The following FAM228B variants were observed in gnomAD, a reference collection of about 807,000 sequenced individuals.
FAM228B encodes family with sequence similarity 228 member B, also known as protein FAM228B.
In FAM228B, 38 loss-of-function variants were observed where a neutral mutation model predicts 42.6. The observed-to-expected ratio is 0.89, with a 90% CI of 0.69 to 1.17. The LOEUF is 1.17. Among genes scored for constraint, FAM228B ranks in the 50% most tolerant of loss-of-function variants. The pLI, the probability that FAM228B is intolerant of heterozygous loss-of-function variation, is 0.00. For synonymous variants in FAM228B, 109 were observed against 122.3 expected (o/e 0.89, Z 0.72); for missense variants, 344 against 367.3 (o/e 0.94, Z 0.52).
chr2:24,142,954 A>G (rs1666790551), intron 5 of FAM228B, among the ~76,000 whole-genome samples: 1 of 152,226 alleles, frequency 6.6e-6, no homozygotes, highest in African/African-American at 2.4e-5. Context: ...AAATGTTACA[A>G]AATTACGCGT....
At chr2:24,102,701 G>A (rs1031645814) in intron 3 of FAM228B, among the ~76,000 whole-genome samples, 4 of 152,164 alleles carry the variant, frequency 2.6e-5, no homozygotes, top group African/African-American at 9.7e-5. Flanking sequence ...TCATGCCATT[G>A]CACTCCAGCC....
chr2:24,143,063 A>G (rs777241336), intron 5 of FAM228B, among the ~76,000 whole-genome samples: 1 of 152,216 alleles, frequency 6.6e-6, no homozygotes, highest in Non-Finnish European at 1.5e-5. Context: ...ATCATAACTA[A>G]CCTTTAAGAA....
chr2:24,112,905 C>T (rs992250001), intron 3 of FAM228B, among the ~76,000 whole-genome samples: 20 of 152,188 alleles, frequency 1.3e-4, no homozygotes, highest in Non-Finnish European at 2.4e-4. Flanking sequence ...ATTTGGTGCT[C>T]CTTCAGCCTG....
At chr2:24,078,016 C>T (rs1664834380) in intron 1 of FAM228B, among the ~76,000 whole-genome samples, 1 of 152,172 alleles carries the variant, frequency 6.6e-6, no homozygotes, top group Admixed American at 6.5e-5. Flanking sequence ...AAAAGGCTAG[C>T]TGACCTGTCT....
At chr2:24,163,743 T>A (rs1388334679) in intron 8 of FAM228B, among the ~76,000 whole-genome samples, 2 of 152,188 alleles carry the variant, frequency 1.3e-5, no homozygotes, top group African/African-American at 2.4e-5. Flanking sequence ...TGAAGGAGGA[T>A]ATTGCATTTC....
intron 3 of FAM228B, among the ~76,000 whole-genome samples, chr2:24,115,779 C>T (rs971777994): frequency 1.3e-5 from 2 of 152,082 alleles, no homozygotes; most frequent in African/African-American, 4.8e-5. Context: ...AAACACAGTT[C>T]CTGCCCTCAT....
chr2:24,152,674 T>C (rs1184430314), intron 7 of FAM228B, among the ~76,000 whole-genome samples: 1 of 152,220 alleles, frequency 6.6e-6, no homozygotes, highest in African/African-American at 2.4e-5. Context: ...GGGGGTGTCA[T>C]GATGCAAGCA....
rs575505729 is a variant in FAM228B, at chr2:24,127,011, A to T, written c.99+2551A>T. ...TTTTATTTTCAGTGTTTTTTAGTAT[A>T]TTCACAAATCCGTGCAACTGTCACC... On this transcript the variant is annotated intron_variant, in intron 2 of 10. Coordinates refer to ENST00000615575, the MANE Select transcript of FAM228B (RefSeq NM_001145710.2). Among the ~76,000 whole-genome samples, 4 of 152,082 alleles carry T rather than the reference A, an allele frequency of 2.6e-5. No individual in the cohort carries two copies. In the South Asian group the frequency reaches 8.3e-4, roughly 32 times the overall value.
chr2:24,132,874 C>T (rs1194516512), intron 2 of FAM228B, among the ~76,000 whole-genome samples: 4 of 152,098 alleles, frequency 2.6e-5, no homozygotes, highest in East Asian at 1.9e-4. Context: ...GATGAAGTCA[C>T]GGTTTAGTCT....
chr2:24,115,500 T>A, intron 3 of FAM228B: 1 of 1,291,026 alleles, frequency 7.7e-7, no homozygotes, highest in Non-Finnish European at 1.1e-6. Context: ...TCTAGTGTTT[T>A]TTCAACCATA....
intron 3 of FAM228B, among the ~76,000 whole-genome samples, chr2:24,101,044 A>G (rs988001922): frequency 2.0e-5 from 3 of 152,178 alleles, no homozygotes; most frequent in African/African-American, 4.8e-5. Context: ...GTTTTCACTC[A>G]TAGGTGGGAA....
At chr2:24,132,538 G>C (rs1242427128) in intron 2 of FAM228B, among the ~76,000 whole-genome samples, 1 of 111,970 alleles carries the variant, frequency 8.9e-6, no homozygotes, top group Non-Finnish European at 1.7e-5. Flanking sequence ...CTTGTTATTA[G>C]TCTATTCAGG....
chr2:24,165,054 A>G (rs1344457998), intron 9 of FAM228B, among the ~76,000 whole-genome samples: 1 of 152,206 alleles, frequency 6.6e-6, no homozygotes, highest in Non-Finnish European at 1.5e-5. Flanking sequence ...GAAACTGAGG[A>G]ACCAGAAAAA....
At chr2:24,113,878 A>C (rs1273026085) in intron 3 of FAM228B, among the ~76,000 whole-genome samples, 1 of 152,194 alleles carries the variant, frequency 6.6e-6, no homozygotes, top group East Asian at 1.9e-4. Context: ...ACTCTGTCTC[A>C]AAACAAACAA....
At chr2:24,117,631 C>A (rs1665965086) in intron 3 of FAM228B, among the ~76,000 whole-genome samples, 1 of 151,702 alleles carries the variant, frequency 6.6e-6, no homozygotes, top group South Asian at 2.1e-4. Flanking sequence ...TTAGTAAAGA[C>A]AGGATTTTGC....
intron 2 of FAM228B, among the ~76,000 whole-genome samples, chr2:24,088,006 G>A (rs1489032325): frequency 6.6e-6 from 1 of 152,058 alleles, no homozygotes; most frequent in Non-Finnish European, 1.5e-5. Flanking sequence ...GCCTTCCAAA[G>A]TGCTGGGATT....
At chr2:24,083,783 A>G (rs1258002839) in intron 2 of FAM228B, among the ~76,000 whole-genome samples, 2 of 152,222 alleles carry the variant, frequency 1.3e-5, no homozygotes, top group East Asian at 3.9e-4. Flanking sequence ...TGGAGCCACA[A>G]AGACCTCAGC....
chr2:24,126,313 A>T (rs1024205913), intron 2 of FAM228B, among the ~76,000 whole-genome samples: 3 of 152,236 alleles, frequency 2.0e-5, no homozygotes, highest in Non-Finnish European at 4.4e-5. Context: ...TTGTTTCATA[A>T]TCTAGCCAAC....
intron 7 of FAM228B, among the ~76,000 whole-genome samples, chr2:24,160,709 T>C (rs1481676010): frequency 2.6e-5 from 4 of 152,232 alleles, no homozygotes; most frequent in African/African-American, 4.8e-5. Context: ...CTACATTCTA[T>C]GTTTTCTCTG....
Sources: gnomAD v4.1 joint callset for allele counts (sites outside exome capture counted in the v4.1 genomes callset) on GRCh38, gnomAD v4.1.1 for gene constraint, MANE v1.5 for transcripts, NCBI Gene and HGNC (gene_info 2026-07-23, HGNC 2026-07-21) for gene names.